The following KCNH5 variants were observed in gnomAD, a reference collection of about 807,000 sequenced individuals.
The protein encoded by KCNH5 is voltage-gated delayed rectifier potassium channel KCNH5.
Under a neutral mutation model 96.1 loss-of-function variants are expected in KCNH5, and 46 were observed. The observed-to-expected ratio is 0.48, with a 90% CI of 0.38 to 0.61. KCNH5 has a LOEUF of 0.61. KCNH5 is among the 20% of genes least tolerant of loss of function. KCNH5 has a pLI of 0.00. For synonymous variants in KCNH5, 439 were observed against 449.8 expected (o/e 0.98, Z 0.30); for missense variants, 907 against 1,225.8 (o/e 0.74, Z 3.88).
At position 62,783,053 on chromosome 14, in the gene KCNH5, T is replaced by C. The variant is rs532357041; in HGVS notation, c.1823-3129A>G. Among the ~76,000 whole-genome samples the C allele has an allele frequency of 2.0e-5, 3 of 152,290 alleles. No homozygotes were observed. In the South Asian group the frequency reaches 6.2e-4, roughly 32 times the overall value. On this transcript the variant is annotated intron_variant, in intron 9 of 10. Transcript: ENST00000322893. ...ATTAGAAATAAATGTCAATAAATAA[T>C]GAAATATTATGCAGCCACAAGGTAT...
Position 62,704,354 on chromosome 14 carries a change from C to T in KCNH5, c.*3154G>A, listed in dbSNP as rs973878981. The T allele has an allele frequency of 6.6e-6, 1 of 151,924 alleles. No individual in the cohort carries two copies. The highest frequency in any genetic ancestry group is 1.5e-5 in the Non-Finnish European group (1 of 67,812). 9.4% of individuals were successfully genotyped at this position (151,924 alleles called of 1,614,324 possible). On this transcript the variant is annotated 3_prime_UTR_variant, in exon 11 of 11. Coordinates refer to ENST00000322893, the MANE Select transcript of KCNH5 (RefSeq NM_139318.5). The stretch of plus-strand genomic sequence containing the variant: ...CACGTCATTCAATTCAACCACTGTG[C>T]CTGAACCATTTTCAGTACCATTCAT...
rs535202013 is a variant in KCNH5, at chr14:62,701,355, A to C, written c.*6153T>G. 1.3e-5 allele frequency: 2 copies of C among 152,326 alleles called. No individual in the cohort carries two copies. The highest frequency in any genetic ancestry group is 3.9e-4 in the East Asian group (2 of 5,186). 9.4% of individuals were successfully genotyped at this position (152,326 alleles called of 1,614,324 possible). On this transcript the variant is annotated 3_prime_UTR_variant, in exon 11 of 11. Transcript: ENST00000322893. ...AAAAGGCACCACATACAGAAAACTC[A>C]TTAAAAGGAAGCAACTGCTGTCCCT... is the stretch of plus-strand genomic sequence containing the variant.
chr14:62,822,535 C>T (rs1397057500), intron 8 of KCNH5, among the ~76,000 whole-genome samples: 3 of 151,918 alleles, frequency 2.0e-5, no homozygotes, highest in African/African-American at 7.3e-5. Flanking sequence ...GTATTTCAAC[C>T]AACTGTGCTG....
intron 1 of KCNH5, among the ~76,000 whole-genome samples, chr14:63,020,885 G>A (rs946368618): frequency 3.3e-5 from 5 of 152,236 alleles, no homozygotes; most frequent in African/African-American, 1.2e-4. Context: ...CTTAACCTTA[G>A]TTATGAGGAT....
intron 10 of KCNH5, among the ~76,000 whole-genome samples, chr14:62,763,834 G>T (rs1006067975): frequency 7.2e-5 from 11 of 152,064 alleles, no homozygotes; most frequent in African/African-American, 2.4e-4. Context: ...ATTAAACCAG[G>T]AATAAATTGA....
chr14:63,015,694 C>A (rs748869231), intron 2 of KCNH5, among the ~76,000 whole-genome samples: 1 of 151,952 alleles, frequency 6.6e-6, no homozygotes, highest in Non-Finnish European at 1.5e-5. Context: ...AAAATCCGTG[C>A]ACACTCAAGT....
At chr14:62,738,472 A>G (rs952611064) in intron 10 of KCNH5, among the ~76,000 whole-genome samples, 2 of 152,170 alleles carry the variant, frequency 1.3e-5, no homozygotes, top group Non-Finnish European at 2.9e-5. Flanking sequence ...ATGAGACTCA[A>G]TATTACTGGC....
chr14:62,780,779 G>C (rs542654143), intron 9 of KCNH5, among the ~76,000 whole-genome samples: 2 of 152,074 alleles, frequency 1.3e-5, no homozygotes, highest in Non-Finnish European at 2.9e-5. Flanking sequence ...CCATTCTGCC[G>C]AGGCAGTTCC....
intron 8 of KCNH5, among the ~76,000 whole-genome samples, chr14:62,825,003 A>G (rs1327206435): frequency 2.0e-5 from 3 of 151,852 alleles, no homozygotes; most frequent in African/African-American, 7.3e-5. Context: ...TCTTTAATCC[A>G]CCATTGATGG....
intron 10 of KCNH5, among the ~76,000 whole-genome samples, chr14:62,750,660 A>G (rs1006293682): frequency 1.3e-5 from 2 of 152,228 alleles, no homozygotes; most frequent in African/African-American, 4.8e-5. Context: ...GATGTTTTAC[A>G]GGAGAACCCT....
chr14:63,027,226 C>A (rs1891540408), intron 1 of KCNH5, among the ~76,000 whole-genome samples: 1 of 151,742 alleles, frequency 6.6e-6, no homozygotes, highest in Non-Finnish European at 1.5e-5. Context: ...GGTCAAGGGA[C>A]AAAAATTTCA....
At chr14:62,893,555 T>C (rs1888752791) in intron 7 of KCNH5, among the ~76,000 whole-genome samples, 1 of 152,096 alleles carries the variant, frequency 6.6e-6, no homozygotes, top group Admixed American at 6.6e-5. Context: ...CAGGAGTTTG[T>C]GACCAGTCTG....
chr14:62,862,813 G>A (rs1173612554), intron 7 of KCNH5, among the ~76,000 whole-genome samples: 1 of 152,170 alleles, frequency 6.6e-6, no homozygotes, highest in African/African-American at 2.4e-5. Context: ...GTAGCTGCCT[G>A]AGGAAACCCA....
intron 1 of KCNH5, among the ~76,000 whole-genome samples, chr14:63,033,496 A>T (rs8004263): frequency 0.17 from 25,910 of 152,160 alleles, 2,831 homozygotes; most frequent in East Asian, 0.36. Flanking sequence ...TTAGATCCCA[A>T]TGCACACGAT....
intron 7 of KCNH5, among the ~76,000 whole-genome samples, chr14:62,873,481 T>G (rs1188029105): frequency 6.6e-6 from 1 of 152,190 alleles, no homozygotes; most frequent in Non-Finnish European, 1.5e-5. Flanking sequence ...GATTCAAGCA[T>G]GTGTCAATAT....
chr14:62,939,176 G>A (rs1889740833), intron 7 of KCNH5, among the ~76,000 whole-genome samples: 1 of 152,028 alleles, frequency 6.6e-6, no homozygotes, highest in Non-Finnish European at 1.5e-5. Context: ...CTCTCTCAGT[G>A]GTCCTGTTGT....
chr14:62,816,372 T>C (rs983493528), intron 8 of KCNH5, among the ~76,000 whole-genome samples: 5 of 151,958 alleles, frequency 3.3e-5, no homozygotes, highest in African/African-American at 1.2e-4. Context: ...AAACTGACTA[T>C]GTAAAATAAA....
chr14:62,993,242 G>A (rs1194392882), intron 4 of KCNH5, among the ~76,000 whole-genome samples: 1 of 152,014 alleles, frequency 6.6e-6, no homozygotes, highest in Non-Finnish European at 1.5e-5. Context: ...TTGAAGTCAG[G>A]TAATGTGATG....
At chr14:62,980,749 G>A in intron 6 of KCNH5, 123 bp downstream of exon 6, 2 of 980,914 alleles carry the variant, frequency 2.0e-6, no homozygotes, top group Non-Finnish European at 1.5e-6. Context: ...TTTTGGCAAG[G>A]GTTTCAAGAA....
Sources: gnomAD v4.1 joint callset for allele counts (sites outside exome capture counted in the v4.1 genomes callset) on GRCh38, gnomAD v4.1.1 for gene constraint, MANE v1.5 for transcripts, NCBI Gene and HGNC (gene_info 2026-07-23, HGNC 2026-07-21) for gene names.